Variants in LMO1 observed in about 807,000 individuals in gnomAD.
The protein encoded by LMO1 is LIM domain only 1, also known as rhombotin-1.
A neutral mutation model predicts 18.0 loss-of-function variants in LMO1; 10 were observed. The observed-to-expected ratio is 0.55, with a 90% confidence interval of 0.34 to 0.94. The LOEUF (loss-of-function observed/expected upper bound fraction) is 0.94. LMO1 is among the 40% of genes least tolerant of loss of function. The probability of loss-of-function intolerance (pLI) is 0.02; values close to 1 mark genes in which losing one functional copy is unlikely to be tolerated. For missense variants in LMO1, 183 were observed against 205.7 expected (o/e 0.89, Z 0.68); for synonymous variants, 77 against 77.9 (o/e 0.99, Z 0.06).
At position 8,262,477 on chromosome 11, in the gene LMO1, G is replaced by A. The variant is rs527254915; in HGVS notation, c.25+861C>T. On this transcript the variant is annotated intron_variant, in intron 1 of 3. Transcript: ENST00000335790. ...AGCCTTCTAGGACACTTAACTGCAG[G>A]GCACTCCCTGCCAGTAAGGCTTTGG... Among the ~76,000 whole-genome samples, 8 of 152,240 alleles carry A rather than the reference G, an allele frequency of 5.3e-5. No homozygotes were observed. In the East Asian group the frequency reaches 1.6e-3, roughly 30 times the overall value.
intron 1 of LMO1, among the ~76,000 whole-genome samples, chr11:8,251,803 TGTGA>T (rs1387457596): frequency 1.0e-4 from 15 of 150,692 alleles, no homozygotes; most frequent in South Asian, 2.1e-4. Flanking sequence ...GGAGTGCGTG[TGTGA>T]GTGTGTGTGA....
chr11:8,268,620 G>A, upstream of LMO1: 2 of 388,912 alleles, frequency 5.1e-6, no homozygotes, highest in Non-Finnish European at 8.6e-6. Context: ...GCAGCCCCGC[G>A]GGCAGGGAGC....
At chr11:8,246,322 A>G (rs1452659551) in intron 1 of LMO1, among the ~76,000 whole-genome samples, 1 of 152,220 alleles carries the variant, frequency 6.6e-6, no homozygotes, top group Non-Finnish European at 1.5e-5. Context: ...GAATAAATAA[A>G]ACATGGTATA....
intron 1 of LMO1, among the ~76,000 whole-genome samples, chr11:8,232,363 G>C (rs1175001824): frequency 7.2e-5 from 11 of 152,236 alleles, no homozygotes; most frequent in Non-Finnish European, 1.6e-4. Context: ...AGCCCAAGGA[G>C]GGCAGCTGGG....
chr11:8,225,196 G>A (rs1445854592), intron 3 of LMO1, among the ~76,000 whole-genome samples: 2 of 151,886 alleles, frequency 1.3e-5, no homozygotes, highest in African/African-American at 2.4e-5. Flanking sequence ...GGTGGATCAC[G>A]AAGTCAGGAG....
At chr11:8,244,379 C>T (rs1341455323) in intron 1 of LMO1, among the ~76,000 whole-genome samples, 1 of 152,238 alleles carries the variant, frequency 6.6e-6, no homozygotes, top group African/African-American at 2.4e-5. Context: ...GATTTCTTCC[C>T]TAGTGGTTAA....
At chr11:8,226,797 G>T in intron 3 of LMO1, 178 bp downstream of exon 3, 1 of 1,215,000 alleles carries the variant, frequency 8.2e-7, no homozygotes, top group Non-Finnish European at 1.1e-6. Context: ...TTTGGCTACC[G>T]AGCTTACACA....
At chr11:8,246,874 G>C (rs391561) in intron 1 of LMO1, among the ~76,000 whole-genome samples, 47,286 of 151,954 alleles carry the variant, frequency 0.31, 7,354 homozygotes, top group East Asian at 0.39. Flanking sequence ...CCTCACAGGG[G>C]GCAGGCCCTG....
At chr11:8,226,195 G>A (rs980202527) in intron 3 of LMO1, among the ~76,000 whole-genome samples, 5 of 151,934 alleles carry the variant, frequency 3.3e-5, no homozygotes, top group African/African-American at 1.2e-4. Context: ...GCACATGCAC[G>A]TTTCAAACAC....
chr11:8,238,026 T>C (rs1234167579), intron 1 of LMO1, among the ~76,000 whole-genome samples: 1 of 152,256 alleles, frequency 6.6e-6, no homozygotes, highest in Non-Finnish European at 1.5e-5. Context: ...GAAAATTTAG[T>C]TGTATCTTAT....
chr11:8,238,802 G>A (rs1057179861), intron 1 of LMO1, among the ~76,000 whole-genome samples: 1 of 152,118 alleles, frequency 6.6e-6, no homozygotes, highest in Non-Finnish European at 1.5e-5. Flanking sequence ...GTTGATATGG[G>A]TGCATACCTG....
At chr11:8,233,154 T>G (rs941276554) in intron 1 of LMO1, among the ~76,000 whole-genome samples, 1 of 152,118 alleles carries the variant, frequency 6.6e-6, no homozygotes, top group Non-Finnish European at 1.5e-5. Flanking sequence ...TCTGGAGAAC[T>G]CTTATAGAAG....
chr11:8,259,262 G>A (rs1383981508), intron 1 of LMO1, among the ~76,000 whole-genome samples: 2 of 152,180 alleles, frequency 1.3e-5, no homozygotes, highest in African/African-American at 4.8e-5. Context: ...GCAAATGAAT[G>A]GAAGAGCAGG....
At chr11:8,265,955 C>T (rs575836951), upstream of LMO1, among the ~76,000 whole-genome samples, 6 of 152,316 alleles carry the variant, frequency 3.9e-5, no homozygotes, top group South Asian at 2.1e-4. Context: ...CTCTTGTCCA[C>T]GAGTTTGTCT....
At chr11:8,255,086 C>T (rs571624134) in intron 1 of LMO1, among the ~76,000 whole-genome samples, 2 of 152,322 alleles carry the variant, frequency 1.3e-5, no homozygotes, top group South Asian at 4.1e-4. Context: ...CACCTCCTAC[C>T]TTCAAGAGCA....
intron 1 of LMO1, among the ~76,000 whole-genome samples, chr11:8,244,700 G>C (rs527934409): frequency 6.6e-6 from 1 of 152,326 alleles, no homozygotes; most frequent in East Asian, 1.9e-4. Flanking sequence ...CCCCCTCTCA[G>C]GCATCTGCAG....
At chr11:8,264,479 C>T (rs1051373103), upstream of LMO1, among the ~76,000 whole-genome samples, 1 of 152,174 alleles carries the variant, frequency 6.6e-6, no homozygotes, top group East Asian at 1.9e-4. Flanking sequence ...ACGATTCTTG[C>T]TCTGTAACTC....
chr11:8,244,150 T>C (rs1018162455), intron 1 of LMO1, among the ~76,000 whole-genome samples: 4 of 152,090 alleles, frequency 2.6e-5, no homozygotes, highest in African/African-American at 9.7e-5. Context: ...CAGGGAGCCC[T>C]TTCTGGAATA....
upstream of LMO1, chr11:8,268,646 G>C (rs1365595797): frequency 1.5e-5 from 5 of 332,256 alleles, no homozygotes; most frequent in Non-Finnish European, 2.7e-5. Context: ...AGGAGGGACT[G>C]GGGGGAAGGC....
Sources: gnomAD v4.1 joint callset for allele counts (sites outside exome capture counted in the v4.1 genomes callset) on GRCh38, gnomAD v4.1.1 for gene constraint, MANE v1.5 for transcripts, NCBI Gene and HGNC (gene_info 2026-07-23, HGNC 2026-07-21) for gene names.